PRKCH: variants seen among roughly 807,000 people sequenced by gnomAD.
PRKCH encodes protein kinase C eta.
A neutral mutation model predicts 82.5 loss-of-function variants in PRKCH; 28 were observed. The ratio of observed to expected loss-of-function variants is 0.34; its 90% CI spans 0.25 to 0.47. The LOEUF (loss-of-function observed/expected upper bound fraction) is 0.47, where lower values mean the gene tolerates loss of function less well. Among genes scored for constraint, PRKCH ranks in the 20% least tolerant of loss-of-function variants. The pLI, the probability that PRKCH is intolerant of heterozygous loss-of-function variation, is 1.00. For synonymous variants in PRKCH, 322 were observed against 327.4 expected, an observed-to-expected ratio of 0.98 and a Z score of 0.18; for missense variants, 705 against 881.8, an observed-to-expected ratio of 0.80 and a Z score of 2.54.
intron 1 of PRKCH, among the ~76,000 whole-genome samples, chr14:61,259,519 CA>C (rs2045027853): frequency 6.6e-6 from 1 of 152,188 alleles, no homozygotes; most frequent in Non-Finnish European, 1.5e-5. Flanking sequence ...AACTGAAATT[CA>C]GGGGCTCAGC....
intron 1 of PRKCH, among the ~76,000 whole-genome samples, chr14:61,253,108 A>G (rs1312015062): frequency 1.3e-5 from 2 of 152,252 alleles, no homozygotes; most frequent in South Asian, 2.1e-4. Context: ...GAGATTAAAA[A>G]CCAACCCCAT....
At chr14:61,335,593 C>T (rs750420259) in intron 1 of PRKCH, among the ~76,000 whole-genome samples, 4 of 152,214 alleles carry the variant, frequency 2.6e-5, no homozygotes, top group South Asian at 2.1e-4. Context: ...ACAACCCCCC[C>T]ATCTGCCAAA....
intron 10 of PRKCH, among the ~76,000 whole-genome samples, chr14:61,521,335 G>A (rs992487237): frequency 5.3e-5 from 8 of 151,990 alleles, no homozygotes; most frequent in African/African-American, 1.9e-4. Flanking sequence ...ATAAGATTCT[G>A]TCATAGAAAT....
chr14:61,331,552 C>A lies in PRKCH; in HGVS notation c.363+9088C>A, dbSNP rs192245572. 7.5e-3 allele frequency among the ~76,000 whole-genome samples: 1,138 copies of A among 152,236 alleles called. 6 individuals are homozygous for A. Among genetic ancestry groups the A allele is most frequent in the Non-Finnish European group, 0.012 (818 of 68,008 alleles). ...AGAAACAACAACAACAACAAAAAAA[C>A]CCCTCTTTTTATTTCGTTATACAAC... On this transcript the variant is annotated intron_variant, in intron 1 of 13. Coordinates refer to ENST00000332981, the MANE Select transcript of PRKCH (RefSeq NM_006255.5).
intron 2 of PRKCH, among the ~76,000 whole-genome samples, chr14:61,422,359 G>A (rs1252175099): frequency 1.3e-5 from 2 of 152,180 alleles, no homozygotes; most frequent in African/African-American, 4.8e-5. Context: ...CAAAGTGCTG[G>A]GATTATAGGC....
intron 10 of PRKCH, chr14:61,527,924 T>G (rs2042988804): frequency 6.6e-6 from 1 of 152,376 alleles, no homozygotes; most frequent in Non-Finnish European, 1.5e-5. Context: ...ACTCATGCTA[T>G]CAGACCCAGC....
intron 1 of PRKCH, among the ~76,000 whole-genome samples, chr14:61,201,467 C>T (rs189450458): frequency 1.1e-4 from 17 of 152,128 alleles, no homozygotes; most frequent in African/African-American, 1.9e-4. Context: ...TTATTATAAA[C>T]GCTTTTTTGA....
At chr14:61,258,980 T>G (rs1026580310) in intron 1 of PRKCH, among the ~76,000 whole-genome samples, 1 of 152,234 alleles carries the variant, frequency 6.6e-6, no homozygotes, top group Non-Finnish European at 1.5e-5. Flanking sequence ...CTGGATTCTA[T>G]TTTTATTTCA....
At position 61,497,351 on chromosome 14, in the gene PRKCH, T is replaced by C. The variant is rs115152565; in HGVS notation, c.1433+11695T>C. The stretch of plus-strand genomic sequence containing the variant: ...TGAGGGTGGTTGTTAGAATTAAATT[T>C]GTGATGTGGAGGTGCATGTAAAGCC... On this transcript the variant is annotated intron_variant, in intron 10 of 13. Coordinates refer to ENST00000332981, the MANE Select transcript of PRKCH (RefSeq NM_006255.5). Among the ~76,000 whole-genome samples the C allele has an allele frequency of 4.1e-3, 624 of 152,272 alleles. 10 individuals are homozygous for C. The highest frequency in any genetic ancestry group is 0.014 in the African/African-American group (596 of 41,510).
At chr14:61,282,296 G>C (rs533414885) in intron 1 of PRKCH, among the ~76,000 whole-genome samples, 2 of 148,326 alleles carry the variant, frequency 1.3e-5, no homozygotes, top group Non-Finnish European at 3.0e-5. Context: ...TTTAAATCTA[G>C]GTTGGTAAAA....
At position 61,457,093 on chromosome 14, in the gene PRKCH, C is replaced by T. The variant is rs116969411; in HGVS notation, c.961-83C>T. The T allele has an allele frequency of 2.7e-4, 401 of 1,497,202 alleles. 3 individuals carry two copies. The East Asian group carries it at 8.6e-3, about 32-fold the overall frequency. 92.7% of individuals were successfully genotyped at this position (1,497,202 alleles called of 1,614,324 possible). ...ACGTTATACTGGGGGTGAGACTGCT[C>T]CCAGCCAATAAGGTCTTCTTCGTGC... is the stretch of plus-strand genomic sequence containing the variant. On this transcript the variant is annotated intron_variant, in intron 7 of 13. Coordinates refer to ENST00000332981, the MANE Select transcript of PRKCH (RefSeq NM_006255.5).
chr14:61,352,817 G>C (rs1259415028), intron 1 of PRKCH, among the ~76,000 whole-genome samples: 1 of 152,194 alleles, frequency 6.6e-6, no homozygotes, highest in Non-Finnish European at 1.5e-5. Flanking sequence ...TTTCTGAAAT[G>C]AGAATGATAA....
intron 1 of PRKCH, among the ~76,000 whole-genome samples, chr14:61,312,929 C>T (rs1405721582): frequency 6.6e-6 from 1 of 152,168 alleles, no homozygotes; most frequent in East Asian, 1.9e-4. Context: ...ACCTCCTTAA[C>T]ATTAAGATCA....
intron 2 of PRKCH, among the ~76,000 whole-genome samples, chr14:61,423,002 T>A (rs1882935860): frequency 6.6e-6 from 1 of 152,246 alleles, no homozygotes; most frequent in Admixed American, 6.5e-5. Context: ...AAATTTGCTA[T>A]GCTACAAATG....
chr14:61,512,249 C>CTT lies in PRKCH; in HGVS notation c.1434-16804_1434-16803dup, dbSNP rs11342820. On this transcript the variant is annotated intron_variant, in intron 10 of 13. Transcript: ENST00000332981. ...AAACTGGGCAGATGATCACATGACC[C>CTT]TTTTTTTTTTTTTTTTTTTTTTTAA... Among the ~76,000 whole-genome samples, 1,168 of 118,500 alleles carry CTT rather than the reference C, an allele frequency of 9.9e-3. 27 individuals carry two copies. The highest frequency in any genetic ancestry group is 0.033 in the African/African-American group (951 of 29,180). 77.7% of individuals were successfully genotyped at this position (118,500 alleles called of 152,430 possible). A position where few individuals can be genotyped will look rare whatever the true frequency, so the allele number is the denominator to read the frequency against.
Position 61,263,624 on chromosome 14 carries a change from T to C in PRKCH, c.-19+75956T>C, listed in dbSNP as rs572165357. On this transcript the variant is annotated intron_variant, in intron 1 of 3. Coordinates refer to the PRKCH transcript ENST00000555185. ...CTATAGCCATATCTCTATCTATACC[T>C]ATTTGTATCCATATCCATTGCTGTA... Among the ~76,000 whole-genome samples, 9 of 152,308 alleles carry C rather than the reference T, an allele frequency of 5.9e-5. No homozygotes were observed. In the East Asian group the frequency reaches 1.2e-3, roughly 20 times the overall value.
At chr14:61,486,714 A>C (rs1886242569) in intron 10 of PRKCH, among the ~76,000 whole-genome samples, 1 of 129,508 alleles carries the variant, frequency 7.7e-6, no homozygotes, top group African/African-American at 3.3e-5. Context: ...GTGTCTTGCT[A>C]TTTTGGCTAG....
chr14:61,445,634 C>T (rs1884184372), intron 3 of PRKCH, 58 bp from the exon 4 acceptor site: 17 of 1,477,558 alleles, frequency 1.2e-5, no homozygotes, highest in Non-Finnish European at 1.5e-5. Context: ...TCCTTAAGGA[C>T]TATAAGAGGG....
chr14:61,367,842 G>A (rs537536120), intron 1 of PRKCH, among the ~76,000 whole-genome samples: 9 of 151,138 alleles, frequency 6.0e-5, no homozygotes, highest in Non-Finnish European at 1.2e-4. Flanking sequence ...AGCCTTCCAA[G>A]TAGCTGGGAC....
Sources: gnomAD v4.1 joint callset for allele counts (sites outside exome capture counted in the v4.1 genomes callset) on GRCh38, gnomAD v4.1.1 for gene constraint, MANE v1.5 for transcripts, NCBI Gene and HGNC (gene_info 2026-07-23, HGNC 2026-07-21) for gene names.